The following IMMP2L variants were observed in gnomAD, a reference collection of about 807,000 sequenced individuals.
The protein encoded by IMMP2L is mitochondrial inner membrane protease subunit 2.
In IMMP2L, 18 loss-of-function variants were observed where a neutral mutation model predicts 19.3. That is an observed-to-expected ratio of 0.93 (90% CI 0.64 to 1.38). IMMP2L has a LOEUF of 1.38. IMMP2L is among the 40% of genes most tolerant of loss of function. The pLI is 0.00. For synonymous variants in IMMP2L, 76 were observed against 73.0 expected (o/e 1.04, Z -0.21); for missense variants, 233 against 218.2 (o/e 1.07, Z -0.43).
chr7:111,065,593 A>G (rs1794415789), intron 3 of IMMP2L, among the ~76,000 whole-genome samples: 1 of 152,194 alleles, frequency 6.6e-6, no homozygotes, highest in African/African-American at 2.4e-5. Context: ...CCATCTAATC[A>G]GCTGCCTGTG....
At chr7:110,698,939 C>T (rs190570052) in intron 5 of IMMP2L, among the ~76,000 whole-genome samples, 242 of 152,248 alleles carry the variant, frequency 1.6e-3, no homozygotes, top group Non-Finnish European at 2.9e-3. Flanking sequence ...TAAATGCTAA[C>T]GACATGGTAA....
chr7:111,515,272 T>C (rs929866733), intron 2 of IMMP2L, among the ~76,000 whole-genome samples: 1 of 152,166 alleles, frequency 6.6e-6, no homozygotes, highest in African/African-American at 2.4e-5. Context: ...TGAATGTGAA[T>C]TCAAACCTCA....
In IMMP2L at chr7:111,363,633, C is replaced by T. The variant is rs568884125; in HGVS notation, c.239+123605G>A. ...TTAGTCTAGCTGATTTGTCTGCCTA[C>T]GGTCTTTCCCCCCTTCAATCCATCC... On this transcript the variant is annotated intron_variant, in intron 3 of 5. Transcript: ENST00000405709. 5.1e-4 allele frequency among the ~76,000 whole-genome samples: 78 copies of T among 152,116 alleles called. 1 individual carries two copies. The highest frequency in any genetic ancestry group is 8.5e-4 in the Non-Finnish European group (58 of 67,996).
At chr7:110,988,404 A>G (rs1398922191) in intron 3 of IMMP2L, among the ~76,000 whole-genome samples, 1 of 152,212 alleles carries the variant, frequency 6.6e-6, no homozygotes, top group African/African-American at 2.4e-5. Context: ...AAACAGATCT[A>G]TAATTGGTGC....
At chr7:111,229,386 G>A (rs539457043) in intron 3 of IMMP2L, among the ~76,000 whole-genome samples, 4 of 151,954 alleles carry the variant, frequency 2.6e-5, no homozygotes, top group Admixed American at 6.6e-5. Context: ...AAAAGTATGT[G>A]AAATGATTTT....
intron 3 of IMMP2L, among the ~76,000 whole-genome samples, chr7:111,387,831 C>A (rs906940754): frequency 9.9e-5 from 15 of 151,686 alleles, no homozygotes; most frequent in Non-Finnish European, 1.9e-4. Flanking sequence ...AAAAAATTAG[C>A]CAGGCATGGT....
chr7:111,199,023 T>C (rs1390090372), intron 3 of IMMP2L, among the ~76,000 whole-genome samples: 2 of 152,162 alleles, frequency 1.3e-5, no homozygotes, highest in African/African-American at 2.4e-5. Context: ...CTGAACTTGA[T>C]AGCTATGTCA....
rs1268459193 is a variant in IMMP2L at position 110,696,626 on chromosome 7, AT to A, written c.409-32906del. ...ATTTTTAGTAGAGACGGGTTTCACC[AT>A]GTTGGCCAGGCTGGTCTCAAACTCC... is the stretch of plus-strand genomic sequence containing the variant. On this transcript the variant is annotated intron_variant, in intron 5 of 5. Transcript: ENST00000405709. 5.3e-5 allele frequency among the ~76,000 whole-genome samples: 8 copies of A among 151,996 alleles called. No homozygotes were observed. The East Asian group carries it at 9.7e-4, about 18-fold the overall frequency.
intron 3 of IMMP2L, chr7:111,483,839 C>T (rs1375587853): frequency 1.3e-5 from 2 of 152,080 alleles, no homozygotes; most frequent in Admixed American, 1.3e-4. Flanking sequence ...TAATGTTTTG[C>T]CTTATTAGTA....
At chr7:111,290,851 CACACACAT>C (rs2129658378) in intron 3 of IMMP2L, among the ~76,000 whole-genome samples, 1 of 151,324 alleles carries the variant, frequency 6.6e-6, no homozygotes, top group Non-Finnish European at 1.5e-5. Context: ...CACACACACA[CACACACAT>C]ATATATATAT....
intron 3 of IMMP2L, among the ~76,000 whole-genome samples, chr7:111,195,517 T>C (rs1454450354): frequency 6.6e-6 from 1 of 152,150 alleles, no homozygotes; most frequent in Non-Finnish European, 1.5e-5. Context: ...TCTTTATCAA[T>C]TGCCACATTA....
chr7:111,262,310 T>C (rs1290414261), intron 3 of IMMP2L, among the ~76,000 whole-genome samples: 1 of 152,100 alleles, frequency 6.6e-6, no homozygotes, highest in Non-Finnish European at 1.5e-5. Context: ...TGAAATCTTA[T>C]ACAGAGTAGC....
chr7:111,062,204 G>C (rs1322784479), intron 3 of IMMP2L, among the ~76,000 whole-genome samples: 1 of 152,172 alleles, frequency 6.6e-6, no homozygotes, highest in Non-Finnish European at 1.5e-5. Flanking sequence ...ACATGGCTGG[G>C]GAGGCCTCAC....
chr7:111,420,525 T>G (rs1279844081), intron 3 of IMMP2L, among the ~76,000 whole-genome samples: 1 of 151,640 alleles, frequency 6.6e-6, no homozygotes, highest in Non-Finnish European at 1.5e-5. Context: ...TCTTTTACAT[T>G]AGGTATTTCT....
Position 110,812,097 on chromosome 7 carries a change from T to A in IMMP2L, c.408+74496A>T, listed in dbSNP as rs78576588. Among the ~76,000 whole-genome samples, 1,221 of 152,144 alleles carry A rather than the reference T, an allele frequency of 8.0e-3. 15 individuals are homozygous for A. The highest frequency in any genetic ancestry group is 0.028 in the African/African-American group (1,152 of 41,534). On this transcript the variant is annotated intron_variant, in intron 5 of 5. Coordinates refer to ENST00000405709, the MANE Select transcript of IMMP2L (RefSeq NM_032549.4). ...AAACCTATAGATACATATATCCACATATGTATATATACATAAATGTACCTA... is the reference window on the plus strand; with the variant it reads ...AAACCTATAGATACATATATCCACAAATGTATATATACATAAATGTACCTA...
In IMMP2L at chr7:111,461,919, G is replaced by A. The variant is rs973657260; in HGVS notation, c.239+25319C>T. ...AAATAATTTGCCACTATAATGTTGA[G>A]TTTTTAAAAGTAGGCTATAAGATTG... On this transcript the variant is annotated intron_variant, in intron 3 of 5. Transcript: ENST00000405709. Among the ~76,000 whole-genome samples the A allele has an allele frequency of 8.6e-5, 13 of 151,986 alleles. No individual in the cohort carries two copies. In the East Asian group the frequency reaches 2.3e-3, roughly 27 times the overall value.
At chr7:111,550,325 C>T (rs1177071044) in intron 1 of IMMP2L, among the ~76,000 whole-genome samples, 1 of 152,068 alleles carries the variant, frequency 6.6e-6, no homozygotes, top group East Asian at 1.9e-4. Flanking sequence ...ATAAGCACAA[C>T]CCAAGATTTT....
intron 4 of IMMP2L, among the ~76,000 whole-genome samples, chr7:110,893,004 T>A (rs1263426954): frequency 1.3e-5 from 2 of 152,136 alleles, no homozygotes; most frequent in Non-Finnish European, 2.9e-5. Flanking sequence ...GAATTTTACA[T>A]ACAGGCATAC....
At chr7:110,973,849 T>TTC (rs1290179472) in intron 3 of IMMP2L, among the ~76,000 whole-genome samples, 4 of 152,122 alleles carry the variant, frequency 2.6e-5, no homozygotes, top group Non-Finnish European at 5.9e-5. Flanking sequence ...AGTTGTACAT[T>TTC]TCACAGACTC....
Sources: gnomAD v4.1 joint callset for allele counts (sites outside exome capture counted in the v4.1 genomes callset) on GRCh38, gnomAD v4.1.1 for gene constraint, MANE v1.5 for transcripts, NCBI Gene and HGNC (gene_info 2026-07-23, HGNC 2026-07-21) for gene names.